The following TNFSF4 variants were observed in gnomAD, a reference collection of about 807,000 sequenced individuals.
TNFSF4 encodes tumor necrosis factor ligand superfamily member 4.
A neutral mutation model predicts 7.3 loss-of-function variants in TNFSF4; 4 were observed. The ratio of observed to expected loss-of-function variants is 0.55; its 90% CI spans 0.27 to 1.25. The LOEUF (loss-of-function observed/expected upper bound fraction) is 1.25. Ranked by LOEUF, TNFSF4 falls within the 50% of genes most tolerant of loss-of-function variation. TNFSF4 has a pLI of 0.12. For missense variants in TNFSF4, 181 were observed against 208.8 expected (o/e 0.87, Z 0.82); for synonymous variants, 76 against 83.7 (o/e 0.91, Z 0.50).
chr1:173,443,305 A>G, the TNFSF4 span, among the ~76,000 whole-genome samples: 1 of 152,212 alleles, frequency 6.6e-6, no homozygotes. Flanking sequence ...TTTAATAATA[A>G]AATGAACTGC....
At chr1:173,312,589 G>A in the TNFSF4 span, among the ~76,000 whole-genome samples, 18,124 of 152,044 alleles carry the variant, frequency 0.12, 1,508 homozygotes, top group African/African-American at 0.24. Flanking sequence ...ATAATGTTGA[G>A]GAAGCCAAAT....
Position 173,205,665 on chromosome 1 carries a change from C to G in TNFSF4, c.153+1359G>C, listed in dbSNP as rs141582532. The G allele has an allele frequency of 1.6e-3, 1,383 of 888,514 alleles. 1 individual carries two copies. The highest frequency in any genetic ancestry group is 3.0e-3 in the Admixed American group (54 of 17,716). The allele number at this position is 888,514 out of a possible 1,614,324, so 55.0% of individuals were successfully genotyped here. ...CTCAGCTGTTCTATATTTGGTTACT[C>G]TCTTTGTTTTCTTCTCAAAAGAGCC... On this transcript the variant is annotated intron_variant, in intron 1 of 2. Transcript: ENST00000281834.
At chr1:173,232,985 CTT>C in the TNFSF4 span, among the ~76,000 whole-genome samples, 72 of 152,282 alleles carry the variant, frequency 4.7e-4, no homozygotes, top group African/African-American at 1.5e-3. Flanking sequence ...CGGAGAATGA[CTT>C]TGACGAGTTG....
chr1:173,174,246 A>G, the TNFSF4 span: 1 of 152,150 alleles, frequency 6.6e-6, no homozygotes, highest in African/African-American at 2.4e-5. Flanking sequence ...CCATATCACT[A>G]TCCGCATTTT....
At chr1:173,244,371 G>A in the TNFSF4 span, among the ~76,000 whole-genome samples, 9 of 152,128 alleles carry the variant, frequency 5.9e-5, no homozygotes, top group South Asian at 2.1e-4. Flanking sequence ...GGCCGGGCGC[G>A]GTGGCTCACG....
chr1:173,287,503 A>G, the TNFSF4 span, among the ~76,000 whole-genome samples: 1 of 152,212 alleles, frequency 6.6e-6, no homozygotes, highest in African/African-American at 2.4e-5. Context: ...ATTTTACAAA[A>G]GCGTTCAGTG....
intron 1 of TNFSF4, among the ~76,000 whole-genome samples, chr1:173,201,565 A>G (rs573959883): frequency 1.3e-5 from 2 of 152,170 alleles, no homozygotes; most frequent in African/African-American, 4.8e-5. Flanking sequence ...ACCAAATTCC[A>G]GTCTTGGAAA....
chr1:173,405,634 G>A, the TNFSF4 span, among the ~76,000 whole-genome samples: 3 of 152,100 alleles, frequency 2.0e-5, no homozygotes, highest in South Asian at 6.2e-4. Context: ...ATAGTACCAA[G>A]GTAAATTTAG....
the TNFSF4 span, among the ~76,000 whole-genome samples, chr1:173,249,534 AC>A: frequency 6.6e-6 from 1 of 152,220 alleles, no homozygotes. Context: ...GCAGTGCCAC[AC>A]CCAGTACACC....
At chr1:173,252,523 G>A in the TNFSF4 span, among the ~76,000 whole-genome samples, 1 of 151,968 alleles carries the variant, frequency 6.6e-6, no homozygotes, top group African/African-American at 2.4e-5. Flanking sequence ...GATATTAAAT[G>A]GTTACATACT....
the TNFSF4 span, among the ~76,000 whole-genome samples, chr1:173,332,347 A>G: frequency 1.3e-5 from 2 of 152,048 alleles, no homozygotes; most frequent in Non-Finnish European, 2.9e-5. Flanking sequence ...ACTAACACTC[A>G]CTTTCCCTAG....
intron 1 of TNFSF4, among the ~76,000 whole-genome samples, chr1:173,202,440 T>C (rs1160514630): frequency 6.6e-6 from 1 of 152,194 alleles, no homozygotes. Context: ...TATTGTTCAT[T>C]CTCTTATTTG....
At chr1:173,449,839 T>A in the TNFSF4 span, among the ~76,000 whole-genome samples, 1 of 151,750 alleles carries the variant, frequency 6.6e-6, no homozygotes, top group East Asian at 1.9e-4. Flanking sequence ...AAGAACAACA[T>A]CTCAAATCAA....
chr1:173,394,923 T>G, the TNFSF4 span, among the ~76,000 whole-genome samples: 1 of 148,360 alleles, frequency 6.7e-6, no homozygotes, highest in Non-Finnish European at 1.5e-5. Flanking sequence ...TAGATAGAGA[T>G]AGATAGATAG....
At chr1:173,265,620 A>AT in the TNFSF4 span, among the ~76,000 whole-genome samples, 4 of 152,062 alleles carry the variant, frequency 2.6e-5, 1 homozygote, top group South Asian at 6.2e-4. Context: ...ATATATGCCC[A>AT]TATTTTCTTC....
the TNFSF4 span, among the ~76,000 whole-genome samples, chr1:173,333,108 C>G: frequency 2.6e-5 from 4 of 152,116 alleles, no homozygotes; most frequent in African/African-American, 7.2e-5. Flanking sequence ...GCCTTCAGGA[C>G]ACAAGGGGCA....
At chr1:173,339,923 G>T in the TNFSF4 span, among the ~76,000 whole-genome samples, 1 of 152,142 alleles carries the variant, frequency 6.6e-6, no homozygotes, top group South Asian at 2.1e-4. Flanking sequence ...GGTGTGCCTG[G>T]ATATTTGCTC....
At chr1:173,353,106 CACGCTTTATGAACAATTTGTGCAGTCA>C in the TNFSF4 span, among the ~76,000 whole-genome samples, 1 of 152,260 alleles carries the variant, frequency 6.6e-6, no homozygotes, top group Admixed American at 6.5e-5. Context: ...TTCAAAAACA[CACGCTTTATGAACAATTTGTGCAGTCA>C]ACGCAATCAT....
At chr1:173,450,508 A>G in the TNFSF4 span, among the ~76,000 whole-genome samples, 3 of 151,876 alleles carry the variant, frequency 2.0e-5, no homozygotes, top group South Asian at 6.2e-4. Flanking sequence ...GAGCACAGAC[A>G]CAAAAATCTT....
Sources: gnomAD v4.1 joint callset for allele counts (sites outside exome capture counted in the v4.1 genomes callset) on GRCh38, gnomAD v4.1.1 for gene constraint, MANE v1.5 for transcripts, NCBI Gene and HGNC (gene_info 2026-07-23, HGNC 2026-07-21) for gene names.